The following CCDC149 variants were observed in gnomAD, a reference collection of about 807,000 sequenced individuals.
The protein encoded by CCDC149 is coiled-coil domain-containing protein 149.
In CCDC149, 45 loss-of-function variants were observed where a neutral mutation model predicts 59.9. The observed-to-expected ratio is 0.75, with a 90% CI of 0.59 to 0.96. The LOEUF (loss-of-function observed/expected upper bound fraction) is 0.96, where lower values mean the gene tolerates loss of function less well. Ranked by LOEUF, CCDC149 falls within the 40% of genes least tolerant of loss-of-function variation. CCDC149 has a pLI of 0.00. For synonymous variants in CCDC149, 245 were observed against 260.6 expected, an observed-to-expected ratio of 0.94 and a Z score of 0.58; for missense variants, 584 against 664.7, an observed-to-expected ratio of 0.88 and a Z score of 1.33.
chr4:24,967,967 C>T (rs1723846196), intron 1 of CCDC149, among the ~76,000 whole-genome samples: 2 of 152,150 alleles, frequency 1.3e-5, no homozygotes, highest in East Asian at 1.9e-4. Flanking sequence ...TTTGGGCCTC[C>T]TGGGTTACTG....
chr4:24,919,672 T>C lies in CCDC149; in HGVS notation c.-64-24554A>G, dbSNP rs182732759. ...ATGACCCTCTCCAAGGTGAAGGAAG[T>C]AGTAATTGGACAAAACATTTAAAAA... On this transcript the variant is annotated intron_variant, in intron 1 of 12. Transcript: ENST00000389609. 8.9e-4 allele frequency among the ~76,000 whole-genome samples: 135 copies of C among 152,168 alleles called. 2 individuals carry two copies. Among genetic ancestry groups the C allele is most frequent in the Non-Finnish European group, 1.5e-3 (99 of 68,000 alleles).
intron 9 of CCDC149, among the ~76,000 whole-genome samples, chr4:24,825,497 G>A (rs1229241111): frequency 1.3e-5 from 2 of 152,116 alleles, no homozygotes; most frequent in East Asian, 1.9e-4. Context: ...ATACAGGCCG[G>A]GCATGGGGGT....
chr4:24,921,913 T>C (rs1722304958), intron 1 of CCDC149, among the ~76,000 whole-genome samples: 1 of 152,122 alleles, frequency 6.6e-6, no homozygotes, highest in Admixed American at 6.5e-5. Context: ...GGACCACAGA[T>C]GGGGGTGTTT....
intron 1 of CCDC149, among the ~76,000 whole-genome samples, chr4:24,948,284 A>G (rs1000748720): frequency 6.6e-6 from 1 of 152,160 alleles, no homozygotes; most frequent in Admixed American, 6.5e-5. Flanking sequence ...AAATGGATCA[A>G]CTTGAGTCCT....
intron 2 of CCDC149, among the ~76,000 whole-genome samples, chr4:24,876,280 TACATACAC>T (rs1394563337): frequency 1.4e-5 from 2 of 141,632 alleles, no homozygotes; most frequent in East Asian, 4.1e-4. Context: ...AAGAAGCATA[TACATACAC>T]ACGTACACAC....
chr4:24,948,339 T>G lies in CCDC149; in HGVS notation c.-65+31730A>C, dbSNP rs1200364971. On this transcript the variant is annotated intron_variant, in intron 1 of 12. Transcript: ENST00000389609. ...CACCCTTGTGAAATAAAAAGGTTGA[T>G]GCAGAATAACGGCTTTCACAATGTT... Among the ~76,000 whole-genome samples the G allele has an allele frequency of 2.0e-5, 3 of 152,242 alleles. No individual in the cohort carries two copies. The East Asian group carries it at 5.8e-4, about 29-fold the overall frequency.
chr4:24,841,854 G>C (rs1156343021), intron 4 of CCDC149, among the ~76,000 whole-genome samples: 1 of 152,182 alleles, frequency 6.6e-6, no homozygotes, highest in Non-Finnish European at 1.5e-5. Flanking sequence ...TGAACTCAGG[G>C]GAGTTCAAAT....
At chr4:24,918,026 C>T (rs886428846), upstream of CCDC149, among the ~76,000 whole-genome samples, 1 of 151,798 alleles carries the variant, frequency 6.6e-6, no homozygotes, top group Admixed American at 6.6e-5. Context: ...AGGGACTGAC[C>T]CTGTCGTTCT....
chr4:24,837,479 G>C lies in CCDC149; in HGVS notation c.490-79C>G, dbSNP rs1338989358. 7.1e-6 allele frequency: 10 copies of C among 1,414,576 alleles called. No homozygotes were observed. Among genetic ancestry groups the C allele is most frequent in the African/African-American group, 1.4e-5 (1 of 70,110 alleles). 87.6% of individuals were successfully genotyped at this position (1,414,576 alleles called of 1,614,324 possible). On this transcript the variant is annotated intron_variant, in intron 5 of 12. Coordinates refer to ENST00000635206, the MANE Select transcript of CCDC149 (RefSeq NM_001330643.2). This position sits in a 1 kb window ranked among gnomAD's most constrained non-coding sequence, Gnocchi z 4.3. Reference sequence around the variant, plus strand: ...TGGCCAGAGATGGAGCCTCCCACTTGGTTGACTGATTTTTAGAGAGTTTAT... The same window carrying C: ...TGGCCAGAGATGGAGCCTCCCACTTCGTTGACTGATTTTTAGAGAGTTTAT...
intron 1 of CCDC149, among the ~76,000 whole-genome samples, chr4:24,943,362 T>A (rs1417919980): frequency 1.3e-5 from 2 of 151,708 alleles, no homozygotes; most frequent in African/African-American, 4.8e-5. Flanking sequence ...TGGCTAGCCA[T>A]ATGTAGAAAG....
At chr4:24,950,095 T>A (rs1446482953) in intron 1 of CCDC149, among the ~76,000 whole-genome samples, 1 of 152,156 alleles carries the variant, frequency 6.6e-6, no homozygotes, top group East Asian at 1.9e-4. Flanking sequence ...AAGAGAGAAA[T>A]TGTTGTCCTG....
chr4:24,833,207 AATTTT>A (rs1234360926), intron 8 of CCDC149, among the ~76,000 whole-genome samples: 8 of 152,022 alleles, frequency 5.3e-5, no homozygotes, highest in Admixed American at 1.3e-4. Flanking sequence ...TAAATCTCAC[AATTTT>A]ATTTTATTTT....
chr4:24,826,504 G>A (rs1484460240), intron 9 of CCDC149, among the ~76,000 whole-genome samples: 2 of 152,138 alleles, frequency 1.3e-5, no homozygotes, highest in African/African-American at 2.4e-5. Flanking sequence ...CAGACACAAC[G>A]GATGCAGGAA....
At chr4:24,941,381 G>T (rs1722949697) in intron 1 of CCDC149, among the ~76,000 whole-genome samples, 1 of 152,022 alleles carries the variant, frequency 6.6e-6, no homozygotes, top group African/African-American at 2.4e-5. Flanking sequence ...AGAATCTCTG[G>T]GACACATTCA....
At chr4:24,965,866 G>A (rs942633650) in intron 1 of CCDC149, among the ~76,000 whole-genome samples, 6 of 152,204 alleles carry the variant, frequency 3.9e-5, no homozygotes, top group Admixed American at 1.3e-4. Flanking sequence ...GCAAAACCCC[G>A]CACGTTATGT....
intron 1 of CCDC149, among the ~76,000 whole-genome samples, chr4:24,940,834 G>A (rs1390184252): frequency 2.0e-5 from 3 of 152,148 alleles, no homozygotes; most frequent in African/African-American, 4.8e-5. Flanking sequence ...TCAATTCAAC[G>A]AGAAGAACTA....
chr4:24,971,771 C>T (rs977884790), intron 1 of CCDC149, among the ~76,000 whole-genome samples: 4 of 152,214 alleles, frequency 2.6e-5, no homozygotes, highest in Admixed American at 2.6e-4. Context: ...ATACCATCCT[C>T]TCTTTTAGAA....
chr4:24,917,047 T>C (rs10939014), upstream of CCDC149, among the ~76,000 whole-genome samples: 136,743 of 152,042 alleles, frequency 0.9, 62,140 homozygotes, highest in Non-Finnish European at 0.97. Context: ...GAAGATAAGC[T>C]TCTCTCTCCT....
chr4:24,808,694 G>C lies in CCDC149; in HGVS notation c.1318C>G (p.Leu440Val), dbSNP rs1331991686. Residue 440 changes from leucine (L) to valine (V), a missense_variant, in exon 13 of 13, where the codon CTC becomes GTC. Transcript: ENST00000635206. ...AACTGGGGTAATGAAGGATGAAAGA[G>C]CTTGCATTGGTTCCCGCGGCTCTGA... is the stretch of plus-strand genomic sequence containing the variant. The C allele has an allele frequency of 6.4e-7, 1 of 1,552,254 alleles. No homozygotes were observed. Among genetic ancestry groups the C allele is most frequent in the African/African-American group, 1.4e-5 (1 of 73,062 alleles).
Sources: gnomAD v4.1 joint callset for allele counts (sites outside exome capture counted in the v4.1 genomes callset) on GRCh38, gnomAD v4.1.1 for gene constraint, Gnocchi (gnomAD v3.1) non-coding constraint, MANE v1.5 for transcripts, NCBI Gene and HGNC (gene_info 2026-07-23, HGNC 2026-07-21) for gene names.